The following SAMD12 variants were observed in gnomAD, a reference collection of about 807,000 sequenced individuals.
SAMD12 encodes the protein sterile alpha motif domain-containing protein 12.
Under a neutral mutation model 15.0 loss-of-function variants are expected in SAMD12, and 9 were observed. The observed-to-expected ratio is 0.60, with a 90% CI of 0.36 to 1.05. The LOEUF is 1.05. SAMD12 is among the 50% of genes least tolerant of loss of function. The pLI is 0.01. For synonymous variants in SAMD12, 86 were observed against 90.1 expected (o/e 0.96, Z 0.25); for missense variants, 230 against 234.2 (o/e 0.98, Z 0.12).
At chr8:118,433,510 C>T (rs561294212) in intron 3 of SAMD12, among the ~76,000 whole-genome samples, 6 of 150,902 alleles carry the variant, frequency 4.0e-5, no homozygotes, top group East Asian at 1.9e-4. Flanking sequence ...ATCAAGAAAA[C>T]GAAGTTCAGT....
intron 2 of SAMD12, among the ~76,000 whole-genome samples, chr8:118,570,203 G>A (rs1173120485): frequency 1.3e-5 from 2 of 151,900 alleles, no homozygotes; most frequent in South Asian, 4.1e-4. Flanking sequence ...GCCTTATTCA[G>A]GCAATCAGAG....
chr8:118,203,755 C>T (rs368222126), intron 4 of SAMD12, among the ~76,000 whole-genome samples: 73 of 137,154 alleles, frequency 5.3e-4, no homozygotes, highest in African/African-American at 1.9e-3. Context: ...CGACAGGCCC[C>T]GGTGTGTGAT....
intron 4 of SAMD12, among the ~76,000 whole-genome samples, chr8:118,222,410 T>G (rs1812101816): frequency 6.6e-6 from 1 of 152,160 alleles, no homozygotes; most frequent in East Asian, 1.9e-4. Context: ...GAAGTCAGAT[T>G]TCTAATTTAG....
At chr8:118,567,191 G>GAGAGTA (rs1419548763) in intron 2 of SAMD12, among the ~76,000 whole-genome samples, 5 of 152,132 alleles carry the variant, frequency 3.3e-5, no homozygotes. Flanking sequence ...CTAAAGCAGA[G>GAGAGTA]AGAGTAAGAA....
intron 4 of SAMD12, among the ~76,000 whole-genome samples, chr8:118,223,217 C>G (rs1260395088): frequency 6.6e-6 from 1 of 152,136 alleles, no homozygotes; most frequent in Non-Finnish European, 1.5e-5. Context: ...TTCTGAAAGC[C>G]AAACACAAAC....
At chr8:118,390,014 C>CT (rs904303060) in intron 3 of SAMD12, among the ~76,000 whole-genome samples, 44 of 149,048 alleles carry the variant, frequency 3.0e-4, no homozygotes, top group African/African-American at 1.0e-3. Flanking sequence ...TCAAATTTAA[C>CT]TTTTTTTTTT....
At chr8:118,151,839 GA>G in the SAMD12 span, among the ~76,000 whole-genome samples, 136 of 138,694 alleles carry the variant, frequency 9.8e-4, no homozygotes, top group African/African-American at 3.2e-3. Flanking sequence ...CAAAAAAAAA[GA>G]AAAAAAAAAA....
intron 1 of SAMD12, among the ~76,000 whole-genome samples, chr8:118,593,111 C>G (rs908445106): frequency 2.0e-5 from 3 of 152,190 alleles, no homozygotes; most frequent in Middle Eastern, 3.4e-3. Context: ...TTGATCTTCA[C>G]AAATGTCTAT....
intron 1 of SAMD12, among the ~76,000 whole-genome samples, chr8:118,593,506 TG>T: frequency 6.6e-6 from 1 of 152,236 alleles, no homozygotes; most frequent in Non-Finnish European, 1.5e-5. Flanking sequence ...TTTTAAATTA[TG>T]TTTTTTTAAT....
At chr8:118,256,242 A>G (rs1206928185) in intron 4 of SAMD12, among the ~76,000 whole-genome samples, 1 of 152,164 alleles carries the variant, frequency 6.6e-6, no homozygotes, top group Non-Finnish European at 1.5e-5. Flanking sequence ...TAAATGGTAC[A>G]TAAATAAACC....
intron 4 of SAMD12, among the ~76,000 whole-genome samples, chr8:118,288,912 C>T (rs1814206302): frequency 6.6e-6 from 1 of 152,134 alleles, no homozygotes; most frequent in Admixed American, 6.5e-5. Flanking sequence ...TTCAGGTCTC[C>T]CATGCTAGAA....
At position 118,341,369 on chromosome 8, in the gene SAMD12, C is replaced by T. The variant is rs1817359421; in HGVS notation, c.433+38191G>A. ...ATCCAAGAGGAGCATACCTAGACCCCACCTCTCAAGTAAAGAAATGTTAAA... is the reference window on the plus strand; with the variant it reads ...ATCCAAGAGGAGCATACCTAGACCCTACCTCTCAAGTAAAGAAATGTTAAA... On this transcript the variant is annotated intron_variant, in intron 4 of 4. Coordinates refer to the SAMD12 transcript ENST00000409003. Among the ~76,000 whole-genome samples the T allele has an allele frequency of 2.6e-5, 4 of 152,312 alleles. No individual in the cohort carries two copies. In the South Asian group the frequency reaches 6.2e-4, roughly 24 times the overall value.
intron 4 of SAMD12, among the ~76,000 whole-genome samples, chr8:118,319,538 T>G (rs1816119577): frequency 1.3e-5 from 2 of 152,184 alleles, no homozygotes; most frequent in South Asian, 4.1e-4. Flanking sequence ...GTGGCCCAAG[T>G]AATTAAAACT....
chr8:118,305,561 G>A (rs1003688705), intron 4 of SAMD12, among the ~76,000 whole-genome samples: 3 of 152,120 alleles, frequency 2.0e-5, no homozygotes, highest in African/African-American at 7.2e-5. Flanking sequence ...TCCACCTTTT[G>A]TCTATTGTGA....
chr8:118,272,637 A>T (rs974233298), intron 4 of SAMD12, among the ~76,000 whole-genome samples: 5 of 152,230 alleles, frequency 3.3e-5, no homozygotes, highest in Non-Finnish European at 7.4e-5. Context: ...TTGCTTAGAA[A>T]TTTCTTTTGC....
In SAMD12 at chr8:118,321,284, GTTTTTTTTTTGTT is replaced by G. The variant is rs1176677777; in HGVS notation, c.433+58263_433+58275del. Among the ~76,000 whole-genome samples, 28 of 121,902 alleles carry G rather than the reference GTTTTTTTTTTGTT, an allele frequency of 2.3e-4. 1 individual carries two copies. The highest frequency in any genetic ancestry group is 8.4e-4 in the African/African-American group (26 of 31,068). 80.0% of individuals were successfully genotyped at this position (121,902 alleles called of 152,430 possible). On this transcript the variant is annotated intron_variant, in intron 4 of 4. Coordinates refer to the SAMD12 transcript ENST00000409003. ...AATCCCTTGCTAAGGGAAAAGAGGT[GTTTTTTTTTTGTT>G]TTTTTTTTTTTTGGTTTTTTTTTAA...
chr8:118,212,183 G>A (rs1811847271), intron 4 of SAMD12, among the ~76,000 whole-genome samples: 1 of 151,900 alleles, frequency 6.6e-6, no homozygotes, highest in Admixed American at 6.6e-5. Flanking sequence ...GAGTGTAGTG[G>A]CCCTTTGTAG....
At chr8:118,343,193 T>C (rs1228727011) in intron 4 of SAMD12, among the ~76,000 whole-genome samples, 1 of 152,026 alleles carries the variant, frequency 6.6e-6, no homozygotes, top group Non-Finnish European at 1.5e-5. Context: ...CTTTCCCCAG[T>C]TCTCCTCTAC....
At chr8:118,165,129 C>T in the SAMD12 span, among the ~76,000 whole-genome samples, 1 of 151,920 alleles carries the variant, frequency 6.6e-6, no homozygotes, top group Non-Finnish European at 1.5e-5. Context: ...ACCAAGATTG[C>T]CCTCACTTCA....
Sources: gnomAD v4.1 joint callset for allele counts (sites outside exome capture counted in the v4.1 genomes callset) on GRCh38, gnomAD v4.1.1 for gene constraint, MANE v1.5 for transcripts, NCBI Gene and HGNC (gene_info 2026-07-23, HGNC 2026-07-21) for gene names.